SYCE3: variants seen among roughly 807,000 people sequenced by gnomAD.
SYCE3 encodes testis highly expressed gene 2 protein.
A neutral mutation model predicts 8.1 loss-of-function variants in SYCE3; 3 were observed. That is an observed-to-expected ratio of 0.37 (90% CI 0.17 to 0.96). The LOEUF is 0.96. Among genes scored for constraint, SYCE3 ranks in the 40% least tolerant of loss-of-function variants. The pLI is 0.41. For missense variants in SYCE3, 83 were observed against 110.0 expected (o/e 0.75, Z 1.10); for synonymous variants, 36 against 38.7 (o/e 0.93, Z 0.26).
At chr22:50,558,355 CG>C (rs2069880895) in intron 1 of SYCE3, among the ~76,000 whole-genome samples, 2 of 151,656 alleles carry the variant, frequency 1.3e-5, no homozygotes, top group African/African-American at 4.9e-5. Flanking sequence ...CGCTTGAACC[CG>C]GGAGGTGGAG....
intron 2 of SYCE3, among the ~76,000 whole-genome samples, chr22:50,554,724 G>A (rs897872582): frequency 5.9e-5 from 9 of 151,338 alleles, no homozygotes; most frequent in Non-Finnish European, 1.2e-4. Flanking sequence ...GCCAGGCGCG[G>A]TGGCTCACAC....
At chr22:50,557,345 G>A (rs892135854) in intron 1 of SYCE3, among the ~76,000 whole-genome samples, 1 of 151,838 alleles carries the variant, frequency 6.6e-6, no homozygotes, top group Non-Finnish European at 1.5e-5. Context: ...TAGTAGAGAT[G>A]GGGTTTCTCC....
intron 1 of SYCE3, 140 bp from the exon 2 acceptor site, chr22:50,556,545 C>T (rs2069861818): frequency 3.2e-6 from 2 of 620,692 alleles, no homozygotes; most frequent in Admixed American, 2.9e-5. Context: ...CTCCACAGGG[C>T]TGTTGTGAAG....
At chr22:50,552,549 T>C (rs138079423) in intron 2 of SYCE3, among the ~76,000 whole-genome samples, 1 of 152,230 alleles carries the variant, frequency 6.6e-6, no homozygotes, top group East Asian at 1.9e-4. Context: ...TCCCAGCTAC[T>C]AGAGAGGCTG....
At chr22:50,553,404 A>G (rs554893633) in intron 2 of SYCE3, among the ~76,000 whole-genome samples, 1 of 152,264 alleles carries the variant, frequency 6.6e-6, no homozygotes, top group East Asian at 1.9e-4. Context: ...CTAATGCACA[A>G]ATTACTCTTA....
chr22:50,560,821 G>T (rs1236352249), intron 1 of SYCE3, among the ~76,000 whole-genome samples: 1 of 152,172 alleles, frequency 6.6e-6, no homozygotes, highest in African/African-American at 2.4e-5. Flanking sequence ...GTAAGGGAAG[G>T]TAAGGAGGTA....
At chr22:50,553,451 A>G (rs975114124) in intron 2 of SYCE3, among the ~76,000 whole-genome samples, 1 of 152,164 alleles carries the variant, frequency 6.6e-6, no homozygotes, top group Admixed American at 6.6e-5. Context: ...TTTGCTTCCA[A>G]GGAAACTAAA....
At chr22:50,560,918 C>A (rs960148064) in intron 1 of SYCE3, among the ~76,000 whole-genome samples, 2 of 152,100 alleles carry the variant, frequency 1.3e-5, no homozygotes, top group Non-Finnish European at 2.9e-5. Flanking sequence ...TAATAAATGG[C>A]AATGAAAAGT....
chr22:50,558,789 C>T (rs1006811144), intron 1 of SYCE3, among the ~76,000 whole-genome samples: 3 of 152,178 alleles, frequency 2.0e-5, no homozygotes, highest in Non-Finnish European at 4.4e-5. Context: ...TATTCCCTCT[C>T]CTTCCTTTAG....
chr22:50,559,404 G>A (rs575060090), intron 1 of SYCE3, among the ~76,000 whole-genome samples: 1 of 152,280 alleles, frequency 6.6e-6, no homozygotes, highest in East Asian at 1.9e-4. Context: ...TGGGATTACA[G>A]GTGTGAGCCA....
chr22:50,560,518 G>A (rs1206309153), intron 1 of SYCE3, among the ~76,000 whole-genome samples: 3 of 151,800 alleles, frequency 2.0e-5, no homozygotes, highest in Non-Finnish European at 4.4e-5. Flanking sequence ...TGGTCAACTC[G>A]GTGAGACGTT....
At chr22:50,558,305 C>T (rs2069880308) in intron 1 of SYCE3, among the ~76,000 whole-genome samples, 1 of 151,968 alleles carries the variant, frequency 6.6e-6, no homozygotes. Context: ...GTGCCTAATC[C>T]CAGCTACTGG....
At chr22:50,553,684 G>A (rs921948754) in intron 2 of SYCE3, among the ~76,000 whole-genome samples, 1 of 152,124 alleles carries the variant, frequency 6.6e-6, no homozygotes, top group African/African-American at 2.4e-5. Flanking sequence ...CTGGGTTCAA[G>A]TGATTCTCCT....
In SYCE3 at chr22:50,551,274, G is replaced by C. The variant is rs1362813424; in HGVS notation, c.238C>G (p.Leu80Val). 1.9e-6 allele frequency: 3 copies of C among 1,551,400 alleles called. No homozygotes were observed. The highest frequency in any genetic ancestry group is 2.0e-5 in the Admixed American group (1 of 51,002). ...KEEMEKNWQELLHETKQRL is the reference protein window; with the variant it reads ...KEEMEKNWQEVLHETKQRL The stretch of plus-strand genomic sequence containing the variant: ...AGCCTTTGCTTGGTCTCATGCAGCA[G>C]CTCTTGCCAGTTCTTCTCCATCTCC... Residue 80 changes from leucine (L) to valine (V), a missense_variant, in exon 3 of 3, where the codon CTG becomes GTG. Physicochemically the swap from Leu to Val is conservative, Grantham distance 32. Transcript: ENST00000406915.
intron 2 of SYCE3, among the ~76,000 whole-genome samples, chr22:50,556,078 C>T (rs1179829888): frequency 2.0e-5 from 3 of 152,104 alleles, no homozygotes; most frequent in Non-Finnish European, 4.4e-5. Flanking sequence ...CAGGAGTGAG[C>T]CACCGCGCCC....
rs2069859945 is a variant in SYCE3 at position 50,556,311 on chromosome 22, A to C, written c.95T>G (p.Met32Arg). 6.4e-7 allele frequency: 1 copy of C among 1,551,066 alleles called. No individual in the cohort carries two copies. The highest frequency in any genetic ancestry group is 2.0e-5 in the Admixed American group (1 of 50,868). The change falls in exon 2 of 3, where the codon ATG becomes AGG. Residue 32 changes from methionine to arginine, a missense_variant. Coordinates refer to ENST00000406915, the MANE Select transcript of SYCE3 (RefSeq NM_001123225.3). ...NKDLEKLLEE[M>R]EKISVQATWM... ...ACACATCCTACCTGAGATTTTCTCC[A>C]TCTCTTCTAATAGCTTTTCCAAGTC...
chr22:50,556,595 C>T (rs533208742), intron 1 of SYCE3, among the ~76,000 whole-genome samples, 190 bp from the exon 2 acceptor site: 5 of 152,302 alleles, frequency 3.3e-5, no homozygotes, highest in African/African-American at 1.2e-4. Flanking sequence ...GCATAGCATT[C>T]GGCACATATA....
intron 1 of SYCE3, among the ~76,000 whole-genome samples, chr22:50,558,725 G>T (rs946688257): frequency 2.6e-5 from 4 of 152,168 alleles, no homozygotes; most frequent in African/African-American, 9.7e-5. Context: ...GGCTAATAGT[G>T]GGTGATGGGA....
intron 2 of SYCE3, among the ~76,000 whole-genome samples, chr22:50,554,144 G>A (rs1392845385): frequency 6.7e-6 from 1 of 150,344 alleles, no homozygotes; most frequent in Admixed American, 6.6e-5. Flanking sequence ...GCAGTGAGCC[G>A]AGATTGTGCC....
Sources: allele counts gnomAD v4.1 joint callset (sites outside exome capture counted in the v4.1 genomes callset), GRCh38; gene constraint gnomAD v4.1.1; transcripts MANE v1.5; gene names NCBI Gene and HGNC (gene_info 2026-07-23, HGNC 2026-07-21).